Variants in MRAP2 observed in about 807,000 individuals in gnomAD.
MRAP2 encodes the protein melanocortin-2 receptor accessory protein 2.
A neutral mutation model predicts 17.4 loss-of-function variants in MRAP2; 20 were observed. The ratio of observed to expected loss-of-function variants is 1.15; its 90% confidence interval spans 0.81 to 1.67. The LOEUF (loss-of-function observed/expected upper bound fraction) is 1.67. MRAP2 is among the 40% of genes most tolerant of loss of function. MRAP2 has a pLI of 0.00. For missense variants in MRAP2, 238 were observed against 240.0 expected (o/e 0.99, Z 0.05); for synonymous variants, 96 against 88.4 (o/e 1.09, Z -0.48).
intron 1 of MRAP2, among the ~76,000 whole-genome samples, chr6:84,044,204 G>C (rs1185195911): frequency 1.3e-5 from 2 of 152,000 alleles, no homozygotes; most frequent in African/African-American, 2.4e-5. Context: ...TTCTTTTTTT[G>C]AGACAGAGTT....
At chr6:84,132,174 C>A in the MRAP2 span, among the ~76,000 whole-genome samples, 1 of 152,234 alleles carries the variant, frequency 6.6e-6, no homozygotes, top group African/African-American at 2.4e-5. Context: ...TTGGCCCCCA[C>A]TCTCTTCTGG....
chr6:84,128,938 G>A, the MRAP2 span, among the ~76,000 whole-genome samples: 5 of 151,710 alleles, frequency 3.3e-5, no homozygotes, highest in South Asian at 6.3e-4. Context: ...GAGAACATGC[G>A]GTGTTTGGTT....
the MRAP2 span, among the ~76,000 whole-genome samples, chr6:84,126,156 T>G: frequency 6.6e-6 from 1 of 152,098 alleles, no homozygotes; most frequent in Non-Finnish European, 1.5e-5. Context: ...TGATACAAGT[T>G]TTTGCTTTTT....
the MRAP2 span, among the ~76,000 whole-genome samples, chr6:84,109,320 T>C: frequency 6.6e-6 from 1 of 152,182 alleles, no homozygotes; most frequent in Non-Finnish European, 1.5e-5. Flanking sequence ...AATGTGTTTC[T>C]ATTTGTTTGT....
At chr6:84,137,644 C>G in the MRAP2 span, among the ~76,000 whole-genome samples, 1 of 152,002 alleles carries the variant, frequency 6.6e-6, no homozygotes, top group Admixed American at 6.5e-5. Context: ...CCTTAGTTAT[C>G]CATAGGGATC....
At chr6:84,132,805 G>A in the MRAP2 span, among the ~76,000 whole-genome samples, 6 of 151,858 alleles carry the variant, frequency 4.0e-5, no homozygotes, top group African/African-American at 1.2e-4. Context: ...CCTTTACCTC[G>A]GAGAAGTTTG....
At chr6:84,104,863 G>A in the MRAP2 span, among the ~76,000 whole-genome samples, 28 of 151,368 alleles carry the variant, frequency 1.8e-4, 1 homozygote, top group African/African-American at 3.6e-4. Context: ...GCAAGACTCC[G>A]TCTCAAAAAA....
chr6:84,065,319 A>G (rs2099494397), intron 3 of MRAP2, among the ~76,000 whole-genome samples: 1 of 152,138 alleles, frequency 6.6e-6, no homozygotes, highest in African/African-American at 2.4e-5. Flanking sequence ...AACATTTTAA[A>G]TGAAAGGAAA....
chr6:84,140,179 TTC>T, the MRAP2 span, among the ~76,000 whole-genome samples: 8 of 152,158 alleles, frequency 5.3e-5, no homozygotes, highest in African/African-American at 1.9e-4. Flanking sequence ...ACAAGTGGTG[TTC>T]TCTTTGTTTG....
chr6:84,122,030 C>G, the MRAP2 span, among the ~76,000 whole-genome samples: 8 of 151,990 alleles, frequency 5.3e-5, no homozygotes, highest in Non-Finnish European at 1.2e-4. Flanking sequence ...AAATTGACAG[C>G]TAGATTAACC....
At chr6:84,136,377 G>A in the MRAP2 span, among the ~76,000 whole-genome samples, 1 of 152,318 alleles carries the variant, frequency 6.6e-6, no homozygotes, top group African/African-American at 2.4e-5. Flanking sequence ...CATGACAGAA[G>A]GGCAGGCAGG....
intron 3 of MRAP2, among the ~76,000 whole-genome samples, chr6:84,063,934 A>G (rs971776667): frequency 1.3e-5 from 2 of 151,938 alleles, no homozygotes. Context: ...AGTCCTAGCT[A>G]CCTGGGATGC....
At chr6:84,090,966 C>G (rs2099501668), downstream of MRAP2, 1 of 152,142 alleles carries the variant, frequency 6.6e-6, no homozygotes, top group Non-Finnish European at 1.5e-5. Context: ...TGTCTCCTAA[C>G]TTCTTGGAGT....
chr6:84,128,092 C>T, the MRAP2 span, among the ~76,000 whole-genome samples: 2 of 152,186 alleles, frequency 1.3e-5, no homozygotes, highest in African/African-American at 2.4e-5. Flanking sequence ...CCTCACTATT[C>T]CTAGCACCCA....
the MRAP2 span, among the ~76,000 whole-genome samples, chr6:84,131,159 G>A: frequency 6.6e-6 from 1 of 152,184 alleles, no homozygotes; most frequent in Non-Finnish European, 1.5e-5. Context: ...ATGTAGTTGT[G>A]CAGTTTTGAG....
the MRAP2 span, among the ~76,000 whole-genome samples, chr6:84,096,198 G>C: frequency 3.3e-5 from 5 of 152,198 alleles, no homozygotes; most frequent in South Asian, 1.0e-3. Context: ...GTATGTATAG[G>C]AGATTTTAAC....
At chr6:84,045,182 G>A (rs761547081) in intron 1 of MRAP2, 1 of 984,716 alleles carries the variant, frequency 1.0e-6, no homozygotes, top group African/African-American at 1.7e-5. Flanking sequence ...AGCCCCCACA[G>A]ATGCTAAGGA....
chr6:84,064,548 C>T (rs557063625), intron 3 of MRAP2, among the ~76,000 whole-genome samples: 77 of 152,180 alleles, frequency 5.1e-4, no homozygotes, highest in African/African-American at 1.3e-3. Flanking sequence ...AGTGCAGTGG[C>T]GCCATCTTGG....
intron 3 of MRAP2, among the ~76,000 whole-genome samples, chr6:84,073,596 C>T (rs927642128): frequency 4.6e-5 from 7 of 152,192 alleles, no homozygotes; most frequent in African/African-American, 1.7e-4. Context: ...CTAGTCCTGC[C>T]TCCCATCCAC....
Sources: gnomAD v4.1 joint callset for allele counts (sites outside exome capture counted in the v4.1 genomes callset) on GRCh38, gnomAD v4.1.1 for gene constraint, MANE v1.5 for transcripts, NCBI Gene and HGNC (gene_info 2026-07-23, HGNC 2026-07-21) for gene names.